Variants in IL6R observed in about 807,000 individuals in gnomAD.
The protein encoded by IL6R is interleukin 6 receptor.
A neutral mutation model predicts 48.3 loss-of-function variants in IL6R; 38 were observed. The observed-to-expected ratio is 0.79, with a 90% CI of 0.61 to 1.03. The LOEUF is 1.03. Ranked by LOEUF, IL6R falls within the 50% of genes least tolerant of loss-of-function variation. IL6R has a pLI of 0.00. For missense variants in IL6R, 534 were observed against 618.3 expected, an observed-to-expected ratio of 0.86 and a Z score of 1.45; for synonymous variants, 264 against 256.2, an observed-to-expected ratio of 1.03 and a Z score of -0.29.
rs1691624547 is a variant in IL6R, at chr1:154,467,765, A to AAGGC, written c.*2394_*2397dup. ...TGAACAATAACAGTTAAGAAAAAAA[A>AAGGC]AGGCAGGCAGGCGGTTATGGTGGTT... is the stretch of plus-strand genomic sequence containing the variant. On this transcript the variant is annotated 3_prime_UTR_variant, in exon 10 of 10. Coordinates refer to ENST00000368485, the MANE Select transcript of IL6R (RefSeq NM_000565.4). 6.6e-6 allele frequency: 1 copy of AAGGC among 152,206 alleles called. No homozygotes were observed. Among genetic ancestry groups the AAGGC allele is most frequent in the Non-Finnish European group, 1.5e-5 (1 of 68,040 alleles). 9.4% of individuals were successfully genotyped at this position (152,206 alleles called of 1,614,324 possible).
chr1:154,405,618 C>T lies in IL6R; in HGVS notation c.-12C>T, dbSNP rs149834091. The stretch of plus-strand genomic sequence containing the variant: ...CTCTGCGGGACCATGGAGTGGTAGC[C>T]GAGGAGGAAGCATGCTGGCCGTCGG... On this transcript the variant is annotated 5_prime_UTR_variant, in exon 1 of 10. Coordinates refer to ENST00000368485, the MANE Select transcript of IL6R (RefSeq NM_000565.4). This position sits in a 1 kb window ranked among gnomAD's most constrained non-coding sequence, Gnocchi z 5.2. The T allele has an allele frequency of 9.8e-6, 15 of 1,523,622 alleles. No homozygotes were observed. The African/African-American group carries it at 2.0e-4, about 20-fold the overall frequency. 94.4% of individuals were successfully genotyped at this position (1,523,622 alleles called of 1,614,324 possible).
In IL6R at chr1:154,467,160, C is replaced by G. The variant is rs2149282390; in HGVS notation, c.*1780C>G. 1 of 152,304 alleles carries G rather than the reference C, an allele frequency of 6.6e-6. No individual in the cohort carries two copies. Among genetic ancestry groups the G allele is most frequent in the African/African-American group, 2.4e-5 (1 of 41,556 alleles). The allele number at this position is 152,304 out of a possible 1,614,324, so 9.4% of individuals were successfully genotyped here. On this transcript the variant is annotated 3_prime_UTR_variant, in exon 10 of 10. Coordinates refer to ENST00000368485, the MANE Select transcript of IL6R (RefSeq NM_000565.4). ...ATCCCATTTAAAAAAAATCCCTTAC[C>G]TCGGTGCCTTCCTCTTTTTATTTAG...
chr1:154,460,849 C>T (rs952638507), intron 9 of IL6R, among the ~76,000 whole-genome samples: 2 of 151,896 alleles, frequency 1.3e-5, no homozygotes, highest in African/African-American at 2.4e-5. Flanking sequence ...TGTGTGGAGA[C>T]GAGAGATTGT....
intron 1 of IL6R, among the ~76,000 whole-genome samples, chr1:154,421,603 C>A (rs868340683): frequency 1.3e-5 from 2 of 152,202 alleles, no homozygotes; most frequent in African/African-American, 4.8e-5. Flanking sequence ...CAGACACCAG[C>A]CCTCCCCAGA....
At chr1:154,458,777 T>C (rs1326132799) in intron 9 of IL6R, among the ~76,000 whole-genome samples, 7 of 151,870 alleles carry the variant, frequency 4.6e-5, no homozygotes, top group Admixed American at 4.6e-4. Flanking sequence ...GGTGCACACC[T>C]GTAATCCCAG....
chr1:154,413,279 C>T (rs1273014511), intron 1 of IL6R, among the ~76,000 whole-genome samples: 2 of 152,272 alleles, frequency 1.3e-5, no homozygotes, highest in Non-Finnish European at 2.9e-5. Flanking sequence ...GGATTACAGG[C>T]ATGGGCCACT....
intron 9 of IL6R, among the ~76,000 whole-genome samples, chr1:154,458,929 C>T (rs10159236): frequency 2.0e-5 from 3 of 151,394 alleles, no homozygotes; most frequent in Admixed American, 2.0e-4. Flanking sequence ...AAGAAGAAGG[C>T]CAAGAATCAA....
chr1:154,466,973 G>A lies in IL6R; in HGVS notation c.*1593G>A, dbSNP rs1691576186. 6.6e-6 allele frequency: 1 copy of A among 152,598 alleles called. No individual in the cohort carries two copies. Among genetic ancestry groups the A allele is most frequent in the Non-Finnish European group, 1.5e-5 (1 of 68,084 alleles). 9.5% of individuals were successfully genotyped at this position (152,598 alleles called of 1,614,324 possible). A position where few individuals can be genotyped will look rare whatever the true frequency, so the allele number is the denominator to read the frequency against. ...TAGCCTGCCTCTTCTCTACTCTAGG[G>A]AAAAACCAGCGTGTGACTACTCCCC... On this transcript the variant is annotated 3_prime_UTR_variant, in exon 10 of 10. Transcript: ENST00000368485.
At chr1:154,428,013 T>C (rs1333100090) in intron 1 of IL6R, among the ~76,000 whole-genome samples, 1 of 152,194 alleles carries the variant, frequency 6.6e-6, no homozygotes, top group Non-Finnish European at 1.5e-5. Context: ...TAAATGGTTA[T>C]GCATTTGGTT....
intron 1 of IL6R, among the ~76,000 whole-genome samples, chr1:154,426,542 AAAGAG>A: frequency 6.6e-6 from 1 of 151,838 alleles, no homozygotes; most frequent in East Asian, 1.9e-4. Flanking sequence ...AAAAGAAAGA[AAAGAG>A]AAAAGCATAT....
intron 8 of IL6R, among the ~76,000 whole-genome samples, chr1:154,453,219 G>A (rs1415568368): frequency 6.6e-6 from 1 of 151,994 alleles, no homozygotes; most frequent in African/African-American, 2.4e-5. Flanking sequence ...AAAAAAGAAG[G>A]AACAAATAGA....
intron 6 of IL6R, among the ~76,000 whole-genome samples, chr1:154,444,208 C>CTTTTTT (rs562457712): frequency 7.2e-6 from 1 of 138,224 alleles, no homozygotes; most frequent in African/African-American, 2.7e-5. Flanking sequence ...AAGTTGCTAG[C>CTTTTTT]TTTTTTTTTT....
chr1:154,435,190 G>GC, intron 5 of IL6R, 34 bp downstream of exon 5: 1 of 1,597,958 alleles, frequency 6.3e-7, no homozygotes, highest in Non-Finnish European at 8.6e-7. Context: ...TCAGAGAGGC[G>GC]CCCCTAGATG....
intron 6 of IL6R, among the ~76,000 whole-genome samples, chr1:154,445,275 C>T (rs1394372290): frequency 2.6e-5 from 4 of 152,176 alleles, no homozygotes; most frequent in Non-Finnish European, 4.4e-5. Flanking sequence ...GTGGGTCCCA[C>T]GGTCTCTCCT....
chr1:154,465,308 CA>C lies in IL6R; in HGVS notation c.1337del (p.Asn446ThrfsTer86). ...TGGGGTCTGACAATACCTCGAGCCA[CA>C]ACCGACCAGATGCCAGGGACCCACG... is the stretch of plus-strand genomic sequence containing the variant. ...SLGSDNTSSHNRPDARDPRSP... is the reference protein window; with the variant it reads ...SLGSDNTSSHXRPDARDPRSP... On this transcript the variant is annotated frameshift_variant, in exon 10 of 10. Transcript: ENST00000368485. LOFTEE classifies it high-confidence loss of function. 1 of 1,614,210 alleles carries C rather than the reference CA, an allele frequency of 6.2e-7. No homozygotes were observed. The highest frequency in any genetic ancestry group is 8.5e-7 in the Non-Finnish European group (1 of 1,180,036).
rs74601996 is a variant in IL6R at position 154,448,278 on chromosome 1, G to A, written c.996+107G>A. On this transcript the variant is annotated intron_variant, in intron 7 of 9. Coordinates refer to ENST00000368485, the MANE Select transcript of IL6R (RefSeq NM_000565.4). ...TTTAAATCCAGTTCTGTCACTAGTAGAAATGTGGTCGTGGTGAGTTACCTG... is the reference window on the plus strand; with the variant it reads ...TTTAAATCCAGTTCTGTCACTAGTAAAAATGTGGTCGTGGTGAGTTACCTG... The A allele has an allele frequency of 5.8e-3, 4,825 of 836,168 alleles. 24 individuals carry two copies. Among genetic ancestry groups the A allele is most frequent in the Non-Finnish European group, 8.0e-3 (3,920 of 488,172 alleles). 51.8% of individuals were successfully genotyped at this position (836,168 alleles called of 1,614,324 possible). A position where few individuals can be genotyped will look rare whatever the true frequency, so the allele number is the denominator to read the frequency against.
intron 6 of IL6R, among the ~76,000 whole-genome samples, chr1:154,436,932 T>C (rs1472041115): frequency 6.6e-6 from 1 of 152,222 alleles, no homozygotes; most frequent in African/African-American, 2.4e-5. Flanking sequence ...AACATGTTAG[T>C]ATGCTGCTTT....
intron 6 of IL6R, among the ~76,000 whole-genome samples, chr1:154,447,083 T>C (rs1257016445): frequency 6.6e-6 from 1 of 152,076 alleles, no homozygotes; most frequent in Non-Finnish European, 1.5e-5. Context: ...AAAGCTACAG[T>C]GAGCCATCAT....
Position 154,454,453 on chromosome 1 carries a change from T to C in IL6R, c.1067-35T>C, listed in dbSNP as rs779845750. 3.7e-6 allele frequency: 5 copies of C among 1,353,860 alleles called. No individual in the cohort carries two copies. In the African/African-American group the frequency reaches 7.1e-5, roughly 19 times the overall value. The allele number at this position is 1,353,860 out of a possible 1,614,324, so 83.9% of individuals were successfully genotyped here. ...ATTCCTTTTTCTCCATATTCTCCTC[T>C]TCCTCCTCTATCTTCAATTTTTTTT... On this transcript the variant is annotated intron_variant, in intron 8 of 9. Transcript: ENST00000368485.
Sources: allele counts gnomAD v4.1 joint callset (sites outside exome capture counted in the v4.1 genomes callset), GRCh38; gene constraint gnomAD v4.1.1; non-coding constraint Gnocchi (gnomAD v3.1); transcripts MANE v1.5; gene names NCBI Gene and HGNC (gene_info 2026-07-23, HGNC 2026-07-21).